Variants in ERBB4 observed in about 807,000 individuals in gnomAD.
The protein encoded by ERBB4 is receptor tyrosine-protein kinase erbB-4.
In ERBB4, 42 loss-of-function variants were observed where a neutral mutation model predicts 158.0. That is an observed-to-expected ratio of 0.27 (90% CI 0.21 to 0.34). The LOEUF is 0.34. Ranked by LOEUF, ERBB4 falls within the 10% of genes least tolerant of loss-of-function variation. ERBB4 has a pLI of 1.00. For synonymous variants in ERBB4, 583 were observed against 558.7 expected (o/e 1.04, Z -0.61); for missense variants, 1,333 against 1,624.1 (o/e 0.82, Z 3.08).
chr2:212,309,897 A>AT (rs1257305486), intron 1 of ERBB4, among the ~76,000 whole-genome samples: 12 of 150,590 alleles, frequency 8.0e-5, no homozygotes, highest in Non-Finnish European at 1.5e-5. Context: ...ATCCTATATA[A>AT]TAAAAAAAAA....
At chr2:212,089,092 A>T (rs113258774) in intron 2 of ERBB4, among the ~76,000 whole-genome samples, 21 of 152,294 alleles carry the variant, frequency 1.4e-4, no homozygotes, top group African/African-American at 4.8e-4. Flanking sequence ...TCAATAGTTG[A>T]CAAAGGAAAG....
chr2:211,605,055 C>T (rs1306468763), intron 19 of ERBB4, among the ~76,000 whole-genome samples: 1 of 152,100 alleles, frequency 6.6e-6, no homozygotes, highest in African/African-American at 2.4e-5. Flanking sequence ...GGATGATGGT[C>T]TTTGGTGCTT....
At chr2:212,308,620 C>A (rs527324024) in intron 1 of ERBB4, among the ~76,000 whole-genome samples, 1 of 149,420 alleles carries the variant, frequency 6.7e-6, no homozygotes, top group South Asian at 2.1e-4. Flanking sequence ...CCCTCAACAT[C>A]TTTTCCCCTC....
At chr2:212,235,740 G>A (rs1032519405) in intron 1 of ERBB4, among the ~76,000 whole-genome samples, 1 of 152,074 alleles carries the variant, frequency 6.6e-6, no homozygotes, top group South Asian at 2.1e-4. Flanking sequence ...ATTGTGAATG[G>A]GAGTTCACTC....
intron 1 of ERBB4, among the ~76,000 whole-genome samples, chr2:212,240,664 A>AAAC (rs1559823329): frequency 3.3e-4 from 49 of 148,230 alleles, no homozygotes; most frequent in African/African-American, 1.0e-3. Flanking sequence ...AAAAAAAAAA[A>AAAC]AAACAGAAAA....
chr2:211,935,840 A>G (rs945492356), intron 3 of ERBB4, among the ~76,000 whole-genome samples: 1 of 152,168 alleles, frequency 6.6e-6, no homozygotes, highest in African/African-American at 2.4e-5. Flanking sequence ...GCAAGGATGA[A>G]GAGAGATCAT....
intron 1 of ERBB4, among the ~76,000 whole-genome samples, chr2:212,280,786 T>A (rs777486442): frequency 2.6e-5 from 4 of 151,588 alleles, no homozygotes; most frequent in Non-Finnish European, 5.9e-5. Context: ...TGAATGAAAC[T>A]AAAGATGGAC....
chr2:211,447,722 C>G (rs919655112), intron 20 of ERBB4, among the ~76,000 whole-genome samples: 1 of 152,156 alleles, frequency 6.6e-6, no homozygotes, highest in Admixed American at 6.5e-5. Flanking sequence ...TTTAGTTCCT[C>G]TTTCTGCATA....
chr2:211,891,233 G>C (rs1231062625), intron 3 of ERBB4, among the ~76,000 whole-genome samples: 4 of 108,380 alleles, frequency 3.7e-5, no homozygotes, highest in Non-Finnish European at 5.6e-5. Context: ...AATCAAACTA[G>C]AACTCAGGAT....
intron 3 of ERBB4, among the ~76,000 whole-genome samples, chr2:211,799,741 A>G (rs2076458664): frequency 6.6e-6 from 1 of 152,172 alleles, no homozygotes; most frequent in Non-Finnish European, 1.5e-5. Flanking sequence ...TGTTGACCAC[A>G]GTGTCTGCCA....
chr2:212,538,767 C>T lies in ERBB4; in HGVS notation c.-237G>A. On this transcript the variant is annotated 5_prime_UTR_variant, in exon 1 of 28. Coordinates refer to ENST00000342788, the MANE Select transcript of ERBB4 (RefSeq NM_005235.3). ...GCGTGTGTGCGCGTGTGGGAGTGTG[C>T]TCGGTGTGTGCGCTTGGCGCTCTGG... 2.6e-6 allele frequency: 1 copy of T among 383,520 alleles called. No individual in the cohort carries two copies. The highest frequency in any genetic ancestry group is 4.5e-6 in the Non-Finnish European group (1 of 220,626). The allele number at this position is 383,520 out of a possible 1,614,324, so 23.8% of individuals were successfully genotyped here. A position where few individuals can be genotyped will look rare whatever the true frequency, so the allele number is the denominator to read the frequency against.
intron 20 of ERBB4, among the ~76,000 whole-genome samples, chr2:211,533,672 G>A (rs2066565135): frequency 6.6e-6 from 1 of 151,962 alleles, no homozygotes; most frequent in African/African-American, 2.4e-5. Flanking sequence ...TGAGATTAAA[G>A]TACTGAATAA....
At chr2:211,868,369 G>T (rs941496076) in intron 3 of ERBB4, among the ~76,000 whole-genome samples, 9 of 152,172 alleles carry the variant, frequency 5.9e-5, no homozygotes, top group Admixed American at 5.2e-4. Flanking sequence ...TTTGTGAAAT[G>T]AAATCATTCT....
rs896044069 is a variant in ERBB4 at position 212,185,557 on chromosome 2, A to G, written c.83-60654T>C. ...TTCCTAGAGTGTCAGTAAGCTCAGA[A>G]TAACTTGTAGTGGTCATGGTCACTG... On this transcript the variant is annotated intron_variant, in intron 1 of 27. Coordinates refer to ENST00000342788, the MANE Select transcript of ERBB4 (RefSeq NM_005235.3). Among the ~76,000 whole-genome samples, 6 of 152,218 alleles carry G rather than the reference A, an allele frequency of 3.9e-5. No individual in the cohort carries two copies. The East Asian group carries it at 1.2e-3, about 29-fold the overall frequency.
chr2:211,689,403 T>C (rs114998680), intron 12 of ERBB4, among the ~76,000 whole-genome samples: 3,227 of 152,218 alleles, frequency 0.021, 118 homozygotes, highest in African/African-American at 0.073. Context: ...TTCACTACGT[T>C]GCCCAGGCTG....
intron 1 of ERBB4, among the ~76,000 whole-genome samples, chr2:212,340,024 T>C (rs2088627938): frequency 6.6e-6 from 1 of 150,650 alleles, no homozygotes; most frequent in Non-Finnish European, 1.5e-5. Flanking sequence ...AACACTTTCA[T>C]ATTCCTAGTT....
intron 2 of ERBB4, among the ~76,000 whole-genome samples, chr2:212,092,515 G>A (rs1417584508): frequency 3.3e-5 from 5 of 152,100 alleles, no homozygotes; most frequent in East Asian, 1.9e-4. Flanking sequence ...TTTATAGATC[G>A]AAGAGTGAAG....
At chr2:211,660,583 G>A (rs1195915111) in intron 15 of ERBB4, among the ~76,000 whole-genome samples, 3 of 152,184 alleles carry the variant, frequency 2.0e-5, no homozygotes, top group South Asian at 2.1e-4. Flanking sequence ...CTAGAATTTA[G>A]TATGGCTGTC....
chr2:212,498,235 C>A (rs1318564496), intron 1 of ERBB4, among the ~76,000 whole-genome samples: 1 of 151,916 alleles, frequency 6.6e-6, no homozygotes, highest in Admixed American at 6.6e-5. Context: ...TTTGAACCTC[C>A]AGTCTTTCAA....
Sources: allele counts gnomAD v4.1 joint callset (sites outside exome capture counted in the v4.1 genomes callset), GRCh38; gene constraint gnomAD v4.1.1; transcripts MANE v1.5; gene names NCBI Gene and HGNC (gene_info 2026-07-23, HGNC 2026-07-21).